Variants in ALPL observed in about 807,000 individuals in gnomAD.
ALPL encodes the protein alkaline phosphatase, biomineralization associated, also known as alkaline phosphatase, tissue-nonspecific isozyme.
In ALPL, 42 loss-of-function variants were observed where a neutral mutation model predicts 51.3. The observed-to-expected ratio is 0.82, with a 90% CI of 0.64 to 1.06. The LOEUF (loss-of-function observed/expected upper bound fraction) is 1.06. Ranked by LOEUF, ALPL falls within the 50% of genes least tolerant of loss-of-function variation. ALPL has a pLI of 0.00. For missense variants in ALPL, 589 were observed against 709.4 expected, an observed-to-expected ratio of 0.83 and a Z score of 1.93; for synonymous variants, 279 against 296.4, an observed-to-expected ratio of 0.94 and a Z score of 0.60.
intron 1 of ALPL, among the ~76,000 whole-genome samples, chr1:21,541,132 G>A (rs986791592): frequency 1.1e-4 from 16 of 152,080 alleles, no homozygotes; most frequent in African/African-American, 2.9e-4. Flanking sequence ...TCGAGTGGGC[G>A]GGGAAGGGTC....
chr1:21,513,788 C>T (rs2148052754), intron 1 of ALPL, among the ~76,000 whole-genome samples: 1 of 152,328 alleles, frequency 6.6e-6, no homozygotes, highest in Non-Finnish European at 1.5e-5. Context: ...GGATTTCTGG[C>T]TTCTCTTGAA....
chr1:21,523,198 A>T (rs558165049), intron 1 of ALPL, among the ~76,000 whole-genome samples: 6 of 152,216 alleles, frequency 3.9e-5, no homozygotes, highest in African/African-American at 1.2e-4. Flanking sequence ...ACTCAGGAGG[A>T]TGAGACAGGA....
chr1:21,574,165 T>C (rs1222995577), intron 9 of ALPL: 16 of 985,368 alleles, frequency 1.6e-5, no homozygotes, highest in Admixed American at 6.1e-5. Context: ...CGCTGTGTGC[T>C]GATGTTCCCA....
At chr1:21,552,377 G>A (rs997545186) in intron 1 of ALPL, among the ~76,000 whole-genome samples, 8 of 150,634 alleles carry the variant, frequency 5.3e-5, no homozygotes, top group Non-Finnish European at 1.2e-4. Flanking sequence ...CACTCGGGAG[G>A]CTGAGGCAGG....
rs1048959405 is a variant in ALPL at position 21,509,989 on chromosome 1, GTGGGGTCTAAAGCAGTT to G, written c.-105+476_-105+492del. Reference sequence around the variant, plus strand: ...CCTCCCAGGCGTCCCACCTGACCCGGTGGGGTCTAAAGCAGTTTGGTTTGGGAGGAGGAGAGGGCAGG... The same window carrying G: ...CCTCCCAGGCGTCCCACCTGACCCGGTGGTTTGGGAGGAGGAGAGGGCAGG... On this transcript the variant is annotated intron_variant, in intron 1 of 11. Transcript: ENST00000374840. This position sits in a 1 kb window ranked among gnomAD's most constrained non-coding sequence, Gnocchi z 6.0. Among the ~76,000 whole-genome samples the G allele has an allele frequency of 6.6e-6, 1 of 152,198 alleles. No individual in the cohort carries two copies. Among genetic ancestry groups the G allele is most frequent in the African/African-American group, 2.4e-5 (1 of 41,470 alleles).
intron 1 of ALPL, among the ~76,000 whole-genome samples, chr1:21,528,572 G>A (rs1362392952): frequency 6.6e-6 from 1 of 150,966 alleles, no homozygotes; most frequent in Non-Finnish European, 1.5e-5. Context: ...GACTGGTCTC[G>A]GACTCCTGAC....
At chr1:21,572,248 T>A (rs1558554439) in intron 8 of ALPL, among the ~76,000 whole-genome samples, 1 of 152,226 alleles carries the variant, frequency 6.6e-6, no homozygotes. Flanking sequence ...GGGTCTCCCA[T>A]GAGGTCACAG....
intron 1 of ALPL, among the ~76,000 whole-genome samples, chr1:21,528,013 T>G (rs542480864): frequency 0.021 from 3,177 of 150,948 alleles, 49 homozygotes; most frequent in Non-Finnish European, 0.032. Context: ...TTTTTTTTTT[T>G]TTGTTTTTTT....
intron 1 of ALPL, among the ~76,000 whole-genome samples, chr1:21,514,288 T>TGCACAGC (rs1643750361): frequency 6.6e-6 from 1 of 152,132 alleles, no homozygotes; most frequent in Non-Finnish European, 1.5e-5. Context: ...TTCTAAAGAT[T>TGCACAGC]GCACAGCCCC....
intron 1 of ALPL, among the ~76,000 whole-genome samples, chr1:21,533,935 AAAGAAGAAGAAG>A (rs58697375): frequency 3.0e-5 from 3 of 100,444 alleles, no homozygotes; most frequent in Non-Finnish European, 4.1e-5. Flanking sequence ...AAAAAAAAAA[AAAGAAGAAGAAG>A]AAGAAGAAGA....
At chr1:21,524,674 A>T (rs1643918590) in intron 1 of ALPL, among the ~76,000 whole-genome samples, 1 of 151,944 alleles carries the variant, frequency 6.6e-6, no homozygotes, top group African/African-American at 2.4e-5. Flanking sequence ...AGATGGGTAC[A>T]CTCTTCTTGA....
At chr1:21,572,838 A>C (rs943851989) in intron 8 of ALPL, among the ~76,000 whole-genome samples, 4 of 151,892 alleles carry the variant, frequency 2.6e-5, no homozygotes, top group African/African-American at 9.7e-5. Flanking sequence ...CAGGAGGGAC[A>C]ATGATTCCAA....
intron 1 of ALPL, among the ~76,000 whole-genome samples, chr1:21,529,353 T>G (rs1643998116): frequency 1.3e-5 from 2 of 152,136 alleles, no homozygotes; most frequent in African/African-American, 4.8e-5. Flanking sequence ...CCCCTGGCCT[T>G]AAGCAACGCT....
intron 1 of ALPL, among the ~76,000 whole-genome samples, chr1:21,517,764 G>A (rs1367643862): frequency 6.6e-6 from 1 of 152,064 alleles, no homozygotes; most frequent in Non-Finnish European, 1.5e-5. Flanking sequence ...ATGAGGCAAG[G>A]CCTTAGGATT....
intron 1 of ALPL, among the ~76,000 whole-genome samples, chr1:21,510,390 G>C (rs1643661802): frequency 6.6e-6 from 1 of 152,188 alleles, no homozygotes; most frequent in Non-Finnish European, 1.5e-5. Context: ...ATCAAAAGAG[G>C]GGGCGATTCT....
At chr1:21,541,324 G>T (rs149758611) in intron 1 of ALPL, among the ~76,000 whole-genome samples, 6 of 152,184 alleles carry the variant, frequency 3.9e-5, no homozygotes, top group Non-Finnish European at 5.9e-5. Context: ...TTACAACAAC[G>T]CAGTGGCTTC....
At chr1:21,544,912 T>C (rs1485295155) in intron 1 of ALPL, among the ~76,000 whole-genome samples, 2 of 152,068 alleles carry the variant, frequency 1.3e-5, no homozygotes, top group Admixed American at 1.3e-4. Flanking sequence ...TGTTTTGTTT[T>C]TTTTTCTTGT....
At chr1:21,525,322 G>A (rs1037262667) in intron 1 of ALPL, among the ~76,000 whole-genome samples, 4 of 152,226 alleles carry the variant, frequency 2.6e-5, no homozygotes, top group African/African-American at 7.2e-5. Flanking sequence ...TCCAGCCACC[G>A]AGGGTAAAAT....
rs1644764082 is a variant in ALPL at position 21,577,831 on chromosome 1, ACC to A, written c.*185_*186del. On this transcript the variant is annotated 3_prime_UTR_variant, in exon 12 of 12. Coordinates refer to ENST00000374840, the MANE Select transcript of ALPL (RefSeq NM_000478.6). ...CTCTGGAATCTTCCCCAAGGGCCAA[ACC>A]CACTTCTGGCCTCCAGCCTTTGCTC... The A allele has an allele frequency of 1.2e-6, 1 of 808,050 alleles. No individual in the cohort carries two copies. The highest frequency in any genetic ancestry group is 2.9e-5 in the Admixed American group (1 of 34,740). The allele number at this position is 808,050 out of a possible 1,614,324, so 50.1% of individuals were successfully genotyped here. A position where few individuals can be genotyped will look rare whatever the true frequency, so the allele number is the denominator to read the frequency against.
Sources: gnomAD v4.1 joint callset for allele counts (sites outside exome capture counted in the v4.1 genomes callset) on GRCh38, gnomAD v4.1.1 for gene constraint, Gnocchi (gnomAD v3.1) non-coding constraint, MANE v1.5 for transcripts, NCBI Gene and HGNC (gene_info 2026-07-23, HGNC 2026-07-21) for gene names.